The following MYO16 variants were observed in gnomAD, a reference collection of about 807,000 sequenced individuals.
MYO16 encodes unconventional myosin-XVI.
In MYO16, 94 loss-of-function variants were observed where a neutral mutation model predicts 205.3. The observed-to-expected ratio is 0.46, with a 90% CI of 0.39 to 0.54. The LOEUF (loss-of-function observed/expected upper bound fraction) is 0.54, where lower values mean the gene tolerates loss of function less well. MYO16 is among the 20% of genes least tolerant of loss of function. The pLI is 0.00. For synonymous variants in MYO16, 988 were observed against 954.0 expected, an observed-to-expected ratio of 1.04 and a Z score of -0.66; for missense variants, 2,315 against 2,387.5, an observed-to-expected ratio of 0.97 and a Z score of 0.63.
chr13:109,012,769 A>ATG (rs199579912), intron 22 of MYO16, among the ~76,000 whole-genome samples: 174 of 120,408 alleles, frequency 1.4e-3, no homozygotes, highest in African/African-American at 3.6e-3. Flanking sequence ...TTGTTGTTAT[A>ATG]TGTGTGTGTG....
the MYO16 span, among the ~76,000 whole-genome samples, chr13:108,579,210 A>G: frequency 2.6e-5 from 4 of 152,128 alleles, no homozygotes; most frequent in Admixed American, 6.6e-5. Context: ...GTCCTTACCA[A>G]TGTGGAAGTA....
chr13:108,658,153 A>C (rs1436411792), intron 1 of MYO16, among the ~76,000 whole-genome samples: 2 of 152,148 alleles, frequency 1.3e-5, no homozygotes, highest in African/African-American at 2.4e-5. Context: ...AATGCAGGTT[A>C]TCTCTGCCTT....
At chr13:108,864,621 C>T (rs964370276) in intron 11 of MYO16, among the ~76,000 whole-genome samples, 3 of 152,016 alleles carry the variant, frequency 2.0e-5, no homozygotes, top group South Asian at 4.1e-4. Context: ...CTCAACCTTC[C>T]AGGATCAAGT....
intron 23 of MYO16, among the ~76,000 whole-genome samples, chr13:109,035,292 C>T (rs987377496): frequency 6.6e-6 from 1 of 152,002 alleles, no homozygotes; most frequent in African/African-American, 2.4e-5. Flanking sequence ...CCTGAGTATA[C>T]TTATAGTCCA....
chr13:109,092,581 G>A (rs1566502126), intron 27 of MYO16, among the ~76,000 whole-genome samples: 1 of 152,172 alleles, frequency 6.6e-6, no homozygotes, highest in Non-Finnish European at 1.5e-5. Flanking sequence ...AGGGAGAAAG[G>A]TGGGAAGAGG....
intron 34 of MYO16, among the ~76,000 whole-genome samples, chr13:109,186,299 G>A (rs1879684865): frequency 6.6e-6 from 1 of 152,188 alleles, no homozygotes; most frequent in South Asian, 2.1e-4. Context: ...AGCTCAGGAG[G>A]AGAGGAAAGC....
intron 10 of MYO16, among the ~76,000 whole-genome samples, chr13:108,850,282 A>G (rs894801358): frequency 4.6e-5 from 7 of 152,228 alleles, no homozygotes; most frequent in Admixed American, 1.3e-4. Flanking sequence ...AATCACAAAC[A>G]AGCAAACGCA....
intron 15 of MYO16, among the ~76,000 whole-genome samples, chr13:108,904,707 A>G (rs1427545970): frequency 6.6e-6 from 1 of 152,164 alleles, no homozygotes; most frequent in South Asian, 2.1e-4. Context: ...TCAAGAAAAA[A>G]AAAGTTCCTG....
At chr13:108,803,605 A>T (rs1249010230) in intron 6 of MYO16, among the ~76,000 whole-genome samples, 1 of 152,186 alleles carries the variant, frequency 6.6e-6, no homozygotes, top group African/African-American at 2.4e-5. Flanking sequence ...ACCCAGGCCT[A>T]CATCACACTG....
intron 4 of MYO16, among the ~76,000 whole-genome samples, chr13:108,740,315 T>G (rs1300723987): frequency 1.3e-5 from 2 of 152,160 alleles, no homozygotes; most frequent in Non-Finnish European, 2.9e-5. Context: ...GGGGTTTTGG[T>G]GTGGATGTGC....
chr13:108,509,262 A>G, the MYO16 span, among the ~76,000 whole-genome samples: 3 of 152,208 alleles, frequency 2.0e-5, no homozygotes, highest in Non-Finnish European at 4.4e-5. Flanking sequence ...ACAGTATGAT[A>G]CTTGCACAAC....
At chr13:108,566,899 G>C in the MYO16 span, among the ~76,000 whole-genome samples, 1 of 152,182 alleles carries the variant, frequency 6.6e-6, no homozygotes, top group African/African-American at 2.4e-5. Context: ...TATCGGCTGT[G>C]TTTTGGGTTG....
chr13:109,144,940 T>G (rs780099181), intron 32 of MYO16, among the ~76,000 whole-genome samples: 1 of 152,242 alleles, frequency 6.6e-6, no homozygotes, highest in Non-Finnish European at 1.5e-5. Context: ...TAGCCTTATA[T>G]GTAGGATTTC....
chr13:108,632,106 A>G (rs1046118959), intron 1 of MYO16, among the ~76,000 whole-genome samples: 1 of 149,474 alleles, frequency 6.7e-6, no homozygotes, highest in Admixed American at 6.7e-5. Context: ...AAAAGAGTGA[A>G]TGCCCTCATG....
chr13:109,041,061 G>A (rs2139579317), intron 23 of MYO16, among the ~76,000 whole-genome samples: 1 of 152,244 alleles, frequency 6.6e-6, no homozygotes, highest in East Asian at 1.9e-4. Context: ...TTGTATTTCT[G>A]TATACTAGCA....
intron 16 of MYO16, among the ~76,000 whole-genome samples, chr13:108,920,724 G>C (rs1175663016): frequency 6.6e-6 from 1 of 152,202 alleles, no homozygotes; most frequent in Non-Finnish European, 1.5e-5. Flanking sequence ...CTCCCAAAGT[G>C]CTGAGATTAC....
intron 7 of MYO16, among the ~76,000 whole-genome samples, chr13:108,811,628 T>C (rs1446870942): frequency 6.6e-6 from 1 of 151,992 alleles, no homozygotes. Context: ...ACAAAACTAA[T>C]CCTTTGCCAT....
At chr13:108,809,302 A>G (rs1022375942) in intron 7 of MYO16, among the ~76,000 whole-genome samples, 2 of 152,010 alleles carry the variant, frequency 1.3e-5, no homozygotes, top group Non-Finnish European at 2.9e-5. Flanking sequence ...ACTTCCTTCT[A>G]TTTTCTCACG....
intron 22 of MYO16, among the ~76,000 whole-genome samples, chr13:109,013,336 T>C (rs1203679488): frequency 5.3e-5 from 8 of 152,170 alleles, no homozygotes; most frequent in Non-Finnish European, 1.0e-4. Context: ...ATGGTGTATA[T>C]GTGCCACATT....
Sources: gnomAD v4.1 joint callset for allele counts (sites outside exome capture counted in the v4.1 genomes callset) on GRCh38, gnomAD v4.1.1 for gene constraint, MANE v1.5 for transcripts, NCBI Gene and HGNC (gene_info 2026-07-23, HGNC 2026-07-21) for gene names.